The following DCDC1 variants were observed in gnomAD, a reference collection of about 807,000 sequenced individuals.
The protein encoded by DCDC1 is doublecortin domain-containing protein 1.
A neutral mutation model predicts 178.3 loss-of-function variants in DCDC1; 200 were observed. The ratio of observed to expected loss-of-function variants is 1.12; its 90% confidence interval spans 1.00 to 1.26. The LOEUF (loss-of-function observed/expected upper bound fraction) is 1.26, where lower values mean the gene tolerates loss of function less well. Among genes scored for constraint, DCDC1 ranks in the 50% most tolerant of loss-of-function variants. DCDC1 has a pLI of 0.00. For synonymous variants in DCDC1, 690 were observed against 604.8 expected, an observed-to-expected ratio of 1.14 and a Z score of -2.07; for missense variants, 1,983 against 1,749.2, an observed-to-expected ratio of 1.13 and a Z score of -2.38.
intron 20 of DCDC1, among the ~76,000 whole-genome samples, chr11:30,985,943 C>T (rs1950618160): frequency 6.6e-6 from 1 of 152,000 alleles, no homozygotes. Context: ...CAAAAAAGTG[C>T]CATTTTTTTG....
intron 1 of DCDC1, 96 bp downstream of exon 1, chr11:31,369,601 G>T (rs1490396145): frequency 2.0e-5 from 3 of 152,842 alleles, no homozygotes; most frequent in Non-Finnish European, 4.4e-5. Flanking sequence ...GGGGGTGCTC[G>T]CTGAGGAGGA....
intron 12 of DCDC1, among the ~76,000 whole-genome samples, chr11:31,108,071 G>A (rs1018865739): frequency 3.3e-5 from 5 of 152,172 alleles, no homozygotes; most frequent in Admixed American, 3.3e-4. Flanking sequence ...TGCATCTCAG[G>A]TGTCTCACGA....
intron 38 of DCDC1, among the ~76,000 whole-genome samples, chr11:30,865,754 T>C (rs777598409): frequency 6.8e-6 from 1 of 147,484 alleles, no homozygotes; most frequent in Admixed American, 6.8e-5. Context: ...AGGATAATAG[T>C]TTTTTTTTTA....
chr11:31,057,909 C>T (rs1955689667), intron 20 of DCDC1, among the ~76,000 whole-genome samples: 2 of 152,096 alleles, frequency 1.3e-5, no homozygotes, highest in Admixed American at 6.6e-5. Context: ...ACCCATCATG[C>T]TCTTTTACCG....
At chr11:30,868,915 A>C (rs960591983) in intron 38 of DCDC1, among the ~76,000 whole-genome samples, 4 of 152,218 alleles carry the variant, frequency 2.6e-5, no homozygotes, top group Admixed American at 6.5e-5. Context: ...CTGTGGGACT[A>C]ATTTAATACG....
intron 20 of DCDC1, among the ~76,000 whole-genome samples, chr11:30,957,640 G>A (rs1222577492): frequency 1.3e-5 from 2 of 152,144 alleles, no homozygotes; most frequent in African/African-American, 4.8e-5. Context: ...CTTTGCAACA[G>A]AAAACAACTG....
chr11:30,887,506 T>C (rs1260177473), intron 36 of DCDC1, among the ~76,000 whole-genome samples: 2 of 152,202 alleles, frequency 1.3e-5, no homozygotes, highest in Non-Finnish European at 2.9e-5. Flanking sequence ...TCAAGCCAGA[T>C]TCCTTAGCAG....
At chr11:30,992,927 T>C (rs1458172561) in intron 20 of DCDC1, among the ~76,000 whole-genome samples, 2 of 152,176 alleles carry the variant, frequency 1.3e-5, no homozygotes, top group East Asian at 1.9e-4. Context: ...AAGTATATTG[T>C]ACAGCTTGTG....
intron 38 of DCDC1, among the ~76,000 whole-genome samples, chr11:30,876,259 C>G (rs1942111182): frequency 6.6e-6 from 1 of 152,098 alleles, no homozygotes; most frequent in Non-Finnish European, 1.5e-5. Flanking sequence ...TAAACATGTT[C>G]CCAAAGGAAA....
intron 24 of DCDC1, 121 bp from the exon 25 acceptor site, chr11:30,921,056 G>A: frequency 1.0e-6 from 1 of 976,570 alleles, no homozygotes; most frequent in Non-Finnish European, 1.4e-6. Flanking sequence ...CTATTCATAG[G>A]TTACTTATTA....
At chr11:30,971,592 A>G (rs925215854) in intron 20 of DCDC1, among the ~76,000 whole-genome samples, 1 of 151,006 alleles carries the variant, frequency 6.6e-6, no homozygotes, top group Non-Finnish European at 1.5e-5. Flanking sequence ...TGAACTTAAA[A>G]ACAGGCCTTT....
chr11:31,087,384 C>T (rs1317975604), intron 17 of DCDC1, among the ~76,000 whole-genome samples: 2 of 151,310 alleles, frequency 1.3e-5, no homozygotes, highest in African/African-American at 4.9e-5. Context: ...CCCATTTCTT[C>T]TGCTTACTTT....
intron 20 of DCDC1, among the ~76,000 whole-genome samples, chr11:31,054,059 T>C (rs1261381890): frequency 6.6e-6 from 1 of 151,892 alleles, no homozygotes; most frequent in African/African-American, 2.4e-5. Context: ...ATATGATTGT[T>C]TTACCTTGAA....
At chr11:31,041,318 T>G (rs1954433316) in intron 20 of DCDC1, among the ~76,000 whole-genome samples, 1 of 152,210 alleles carries the variant, frequency 6.6e-6, no homozygotes, top group Non-Finnish European at 1.5e-5. Context: ...GTGATGGGGT[T>G]TGGCTGGGGA....
intron 35 of DCDC1, among the ~76,000 whole-genome samples, chr11:30,893,320 A>C (rs1036129904): frequency 6.6e-6 from 1 of 152,228 alleles, no homozygotes; most frequent in African/African-American, 2.4e-5. Flanking sequence ...TGTTTCTCCT[A>C]CTGAGAGATT....
intron 26 of DCDC1, 103 bp from the exon 27 acceptor site, chr11:30,915,814 C>T (rs376946286): frequency 1.3e-5 from 15 of 1,120,556 alleles, no homozygotes; most frequent in Middle Eastern, 2.9e-4. Flanking sequence ...AGAGCTCCAA[C>T]GTGAAACACG....
chr11:30,909,157 T>A (rs752227434), intron 28 of DCDC1, 41 bp from the exon 29 acceptor site: 1 of 1,570,788 alleles, frequency 6.4e-7, no homozygotes, highest in East Asian at 2.3e-5. Context: ...TGAGTTCATG[T>A]GAGGGTTATA....
intron 3 of DCDC1, chr11:31,314,627 TACTG>T (rs556189702): frequency 2.6e-5 from 4 of 152,330 alleles, no homozygotes; most frequent in Non-Finnish European, 4.4e-5. Context: ...ATAGAACTTA[TACTG>T]ACTATCATCT....
intron 8 of DCDC1, among the ~76,000 whole-genome samples, chr11:31,264,574 G>C (rs1479120214): frequency 6.6e-6 from 1 of 152,118 alleles, no homozygotes; most frequent in African/African-American, 2.4e-5. Context: ...TAACTTCTCT[G>C]TACCTCAGTT....
Sources: allele counts gnomAD v4.1 joint callset (sites outside exome capture counted in the v4.1 genomes callset), GRCh38; gene constraint gnomAD v4.1.1; transcripts MANE v1.5; gene names NCBI Gene and HGNC (gene_info 2026-07-23, HGNC 2026-07-21).